Variants in CUX1 observed in about 807,000 individuals in gnomAD.
The protein encoded by CUX1 is protein CASP.
In CUX1, 31 loss-of-function variants were observed where a neutral mutation model predicts 158.8. The ratio of observed to expected loss-of-function variants is 0.20; its 90% confidence interval spans 0.15 to 0.26. The LOEUF (loss-of-function observed/expected upper bound fraction) is 0.26, where lower values mean the gene tolerates loss of function less well. CUX1 is among the 10% of genes least tolerant of loss of function. The pLI is 1.00. For missense variants in CUX1, 1,589 were observed against 2,014.6 expected, an observed-to-expected ratio of 0.79 and a Z score of 4.04; for synonymous variants, 879 against 862.1, an observed-to-expected ratio of 1.02 and a Z score of -0.34.
At chr7:102,212,427 C>G (rs782016510) in intron 20 of CUX1, among the ~76,000 whole-genome samples, 1 of 152,172 alleles carries the variant, frequency 6.6e-6, no homozygotes, top group African/African-American at 2.4e-5. Context: ...ACTCGGCCCC[C>G]CAAAGTCTCT....
intron 8 of CUX1, among the ~76,000 whole-genome samples, chr7:102,138,066 C>G (rs1182880063): frequency 6.6e-6 from 1 of 151,906 alleles, no homozygotes; most frequent in African/African-American, 2.4e-5. Flanking sequence ...TCACTGTAGT[C>G]TTAGCTACTT....
intron 1 of CUX1, among the ~76,000 whole-genome samples, chr7:101,838,219 T>G (rs1435251992): frequency 6.6e-6 from 1 of 151,234 alleles, no homozygotes; most frequent in Non-Finnish European, 1.5e-5. Context: ...AACCTACGCC[T>G]CCTGGATTTA....
chr7:101,997,075 C>A (rs202153), intron 2 of CUX1, among the ~76,000 whole-genome samples: 92,004 of 151,618 alleles, frequency 0.61, 28,674 homozygotes, highest in East Asian at 0.96. Flanking sequence ...CCATCAGGGC[C>A]TGCCCATGGG....
intron 2 of CUX1, among the ~76,000 whole-genome samples, chr7:101,931,669 G>A (rs973258278): frequency 2.0e-5 from 3 of 152,076 alleles, no homozygotes; most frequent in East Asian, 1.9e-4. Context: ...GGGCTCAAGC[G>A]ATCCTCACTT....
intron 11 of CUX1, among the ~76,000 whole-genome samples, chr7:102,189,054 C>T (rs1360646636): frequency 6.6e-6 from 1 of 152,126 alleles, no homozygotes; most frequent in Non-Finnish European, 1.5e-5. Context: ...CAGGTCCCTG[C>T]TCCTAAAACC....
chr7:101,976,097 C>T (rs950330410), intron 2 of CUX1, among the ~76,000 whole-genome samples: 4 of 152,194 alleles, frequency 2.6e-5, no homozygotes, highest in Non-Finnish European at 4.4e-5. Flanking sequence ...CACACCACTG[C>T]ACTCCAACCT....
In CUX1 at chr7:102,258,199, G is replaced by A; in HGVS notation, c.*9157G>A. 3 of 983,896 alleles carry A rather than the reference G, an allele frequency of 3.0e-6. No individual in the cohort carries two copies. Among genetic ancestry groups the A allele is most frequent in the Non-Finnish European group, 3.6e-6 (3 of 828,582 alleles). 60.9% of individuals were successfully genotyped at this position (983,896 alleles called of 1,614,324 possible). A position where few individuals can be genotyped will look rare whatever the true frequency, so the allele number is the denominator to read the frequency against. ...TATTATTCACTAGCACCCTAGGTGT[G>A]ATAATTGAAGTAAATATCTTTTATA... On this transcript the variant is annotated 3_prime_UTR_variant, in exon 24 of 24. Transcript: ENST00000292535.
rs1303933805 is a variant in CUX1, at chr7:102,146,162, G to A, written c.675-12398G>A. Among the ~76,000 whole-genome samples the A allele has an allele frequency of 2.6e-5, 4 of 152,118 alleles. No individual in the cohort carries two copies. The East Asian group carries it at 5.8e-4, about 22-fold the overall frequency. On this transcript the variant is annotated intron_variant, in intron 8 of 23. Coordinates refer to ENST00000292535, the MANE Select transcript of CUX1 (RefSeq NM_181552.4). The stretch of plus-strand genomic sequence containing the variant: ...TAGAGAGATGCAGGAAGCAGCCGCC[G>A]ATGAACCCAGATGCTCATCCCTGGA...
intron 1 of CUX1, among the ~76,000 whole-genome samples, chr7:101,867,412 T>A (rs943188620): frequency 1.3e-5 from 2 of 152,178 alleles, no homozygotes; most frequent in Non-Finnish European, 2.9e-5. Context: ...GGGGCCCACC[T>A]GCCACCCTGT....
intron 14 of CUX1, among the ~76,000 whole-genome samples, chr7:102,268,439 C>G (rs1274410185): frequency 3.3e-5 from 5 of 152,100 alleles, no homozygotes; most frequent in African/African-American, 1.2e-4. Context: ...CATCTTGGTG[C>G]CTTCACATGC....
intron 8 of CUX1, among the ~76,000 whole-genome samples, chr7:102,142,805 C>G (rs1047467042): frequency 1.3e-5 from 2 of 151,010 alleles, no homozygotes; most frequent in East Asian, 3.9e-4. Flanking sequence ...ACTTGTAGTC[C>G]CAGCTACTTG....
chr7:101,849,958 G>A (rs955139960), intron 1 of CUX1, among the ~76,000 whole-genome samples: 3 of 129,162 alleles, frequency 2.3e-5, no homozygotes, highest in Non-Finnish European at 3.1e-5. Flanking sequence ...TCACTCTGTC[G>A]CCCAGGCTGG....
exon 23 of CUX1, chr7:102,283,036 G>A: frequency 1.9e-6 from 3 of 1,612,476 alleles, no homozygotes; most frequent in Non-Finnish European, 2.5e-6. Flanking sequence ...CTGACCACCT[G>A]CACAAGTTCC....
chr7:101,878,456 G>A (rs538295311), intron 1 of CUX1, among the ~76,000 whole-genome samples: 22 of 152,296 alleles, frequency 1.4e-4, no homozygotes, highest in African/African-American at 5.3e-4. Flanking sequence ...GGTGTGGCTG[G>A]GGCCAAGTTG....
At chr7:101,979,641 G>A (rs558038528) in intron 2 of CUX1, among the ~76,000 whole-genome samples, 1 of 151,920 alleles carries the variant, frequency 6.6e-6, no homozygotes, top group African/African-American at 2.4e-5. Context: ...GGGCTCAGGT[G>A]TTTTCTTTCT....
intron 15 of CUX1, among the ~76,000 whole-genome samples, chr7:102,198,234 T>C (rs1483751434): frequency 6.6e-6 from 1 of 152,176 alleles, no homozygotes; most frequent in Non-Finnish European, 1.5e-5. Flanking sequence ...CACTCCAGTC[T>C]GGGCAACAGA....
intron 3 of CUX1, among the ~76,000 whole-genome samples, chr7:102,054,857 G>C (rs1313208036): frequency 6.6e-6 from 1 of 152,018 alleles, no homozygotes; most frequent in Admixed American, 6.6e-5. Flanking sequence ...TGTAGTCTCA[G>C]TTACTCCGGA....
intron 17 of CUX1, 65 bp downstream of exon 17, chr7:102,200,237 T>C: frequency 7.6e-7 from 1 of 1,319,654 alleles, no homozygotes. Flanking sequence ...ATGAGTGCTC[T>C]GGTCAGCAGT....
upstream of CUX1, chr7:101,817,334 C>T (rs1791961119): frequency 2.0e-6 from 2 of 984,780 alleles, no homozygotes; most frequent in African/African-American, 3.5e-5. This position sits in a 1 kb window ranked among gnomAD's most constrained non-coding sequence, Gnocchi z 4.1. Flanking sequence ...CTCTGCAGGG[C>T]CCGCCATGGA....
Sources: allele counts gnomAD v4.1 joint callset (sites outside exome capture counted in the v4.1 genomes callset), GRCh38; gene constraint gnomAD v4.1.1; non-coding constraint Gnocchi (gnomAD v3.1); transcripts MANE v1.5; gene names NCBI Gene and HGNC (gene_info 2026-07-23, HGNC 2026-07-21).